The following MAGI2 variants were observed in gnomAD, a reference collection of about 807,000 sequenced individuals.
The protein encoded by MAGI2 is membrane-associated guanylate kinase, WW and PDZ domain-containing protein 2.
Under a neutral mutation model 133.3 loss-of-function variants are expected in MAGI2, and 35 were observed. That is an observed-to-expected ratio of 0.26 (90% CI 0.20 to 0.35). MAGI2 has a LOEUF of 0.35. MAGI2 is among the 10% of genes least tolerant of loss of function. The pLI is 1.00. For synonymous variants in MAGI2, 729 were observed against 710.6 expected, an observed-to-expected ratio of 1.03 and a Z score of -0.41; for missense variants, 1,636 against 1,863.4, an observed-to-expected ratio of 0.88 and a Z score of 2.25.
At chr7:78,252,948 AAAAAAAAAAAAAC>A (rs1262058911) in intron 10 of MAGI2, 1 of 146,474 alleles carries the variant, frequency 6.8e-6, no homozygotes, top group African/African-American at 2.6e-5. Flanking sequence ...CTCCAAAAAA[AAAAAAAAAAAAAC>A]AATGGGCAGC....
chr7:78,852,096 T>A (rs555925307), intron 2 of MAGI2, among the ~76,000 whole-genome samples: 50 of 152,094 alleles, frequency 3.3e-4, no homozygotes, highest in Non-Finnish European at 6.5e-4. Context: ...GATAAACTGT[T>A]TATATTATTG....
chr7:78,111,995 G>A (rs528819144), intron 20 of MAGI2, among the ~76,000 whole-genome samples: 1 of 152,304 alleles, frequency 6.6e-6, no homozygotes, highest in African/African-American at 2.4e-5. Context: ...TCTCTAGACA[G>A]GCTGCTTTAT....
intron 3 of MAGI2, among the ~76,000 whole-genome samples, chr7:78,626,889 T>C (rs2150954004): frequency 6.6e-6 from 1 of 150,892 alleles, no homozygotes; most frequent in South Asian, 2.1e-4. Context: ...ATAATAGGTG[T>C]ATATATATAA....
chr7:78,496,472 T>C (rs968660438), intron 5 of MAGI2, among the ~76,000 whole-genome samples: 1 of 152,220 alleles, frequency 6.6e-6, no homozygotes, highest in Non-Finnish European at 1.5e-5. Context: ...AGCACGTCAA[T>C]CCAGATTAAC....
chr7:78,454,374 T>C (rs1584209172), intron 6 of MAGI2, among the ~76,000 whole-genome samples: 1 of 152,256 alleles, frequency 6.6e-6, no homozygotes, highest in Middle Eastern at 3.4e-3. Context: ...TAAGACCTGA[T>C]TTCAGTACCA....
chr7:78,777,315 T>C (rs553296365), intron 2 of MAGI2, among the ~76,000 whole-genome samples: 1 of 152,336 alleles, frequency 6.6e-6, no homozygotes, highest in African/African-American at 2.4e-5. Flanking sequence ...TTCCTAGCTG[T>C]GTGGTACCAC....
chr7:78,070,194 T>TACAC (rs1409097456), intron 21 of MAGI2, among the ~76,000 whole-genome samples: 36 of 32,030 alleles, frequency 1.1e-3, no homozygotes, highest in African/African-American at 2.2e-3. Flanking sequence ...TATATATATA[T>TACAC]ATATATATAT....
At chr7:78,255,447 C>T in intron 10 of MAGI2, 1 of 220,844 alleles carries the variant, frequency 4.5e-6, no homozygotes, top group Non-Finnish European at 8.8e-6. Context: ...ACAGCTCCCA[C>T]AGCTCTCACA....
At chr7:78,782,676 T>C (rs1413811397) in intron 2 of MAGI2, among the ~76,000 whole-genome samples, 1 of 151,866 alleles carries the variant, frequency 6.6e-6, no homozygotes, top group Non-Finnish European at 1.5e-5. Context: ...CTGTCAGAAA[T>C]AAAGAAAAAT....
At chr7:78,265,806 A>G (rs1349929968) in intron 9 of MAGI2, among the ~76,000 whole-genome samples, 2 of 152,206 alleles carry the variant, frequency 1.3e-5, no homozygotes, top group African/African-American at 4.8e-5. Flanking sequence ...AACAAGCATG[A>G]TTCGTTTTTG....
rs565217080 is a variant in MAGI2 at position 78,689,566 on chromosome 7, C to T, written c.419-62327G>A. ...CTCCTTCGCAGTTTTCTCTCTGTCT[C>T]GCCCACATGACCGTCAGGCAACTAT... is the stretch of plus-strand genomic sequence containing the variant. On this transcript the variant is annotated intron_variant, in intron 2 of 21. Transcript: ENST00000354212. Among the ~76,000 whole-genome samples the T allele has an allele frequency of 5.2e-4, 79 of 152,178 alleles. 1 individual carries two copies. Among genetic ancestry groups the T allele is most frequent in the Admixed American group, 1.2e-3 (18 of 15,294 alleles).
chr7:78,700,855 G>C (rs189313560), intron 2 of MAGI2, among the ~76,000 whole-genome samples: 43 of 151,498 alleles, frequency 2.8e-4, no homozygotes, highest in Admixed American at 2.5e-3. Flanking sequence ...AATACACTCT[G>C]TCAAATGGGC....
At chr7:79,332,230 T>C (rs1239170534) in intron 1 of MAGI2, among the ~76,000 whole-genome samples, 2 of 152,198 alleles carry the variant, frequency 1.3e-5, no homozygotes, top group African/African-American at 4.8e-5. Flanking sequence ...GCTTGTCACT[T>C]AAGGAAGTAA....
At chr7:78,355,094 A>C (rs954769820) in intron 7 of MAGI2, among the ~76,000 whole-genome samples, 6 of 152,210 alleles carry the variant, frequency 3.9e-5, no homozygotes, top group African/African-American at 1.2e-4. Context: ...CTATGTCTAA[A>C]ATTATGCCAT....
Position 78,124,500 on chromosome 7 carries a change from C to T in MAGI2, c.3567+1194G>A, listed in dbSNP as rs1196734966. 5.3e-5 allele frequency among the ~76,000 whole-genome samples: 8 copies of T among 152,230 alleles called. 1 individual carries two copies. In the South Asian group the frequency reaches 1.5e-3, roughly 28 times the overall value. ...TGGATAATCCTCTGACTTGGAAATG[C>T]GTATCATAGAAATGCAGACTTGGTG... On this transcript the variant is annotated intron_variant, in intron 20 of 21. Coordinates refer to ENST00000354212, the MANE Select transcript of MAGI2 (RefSeq NM_012301.4).
At chr7:79,158,464 A>T (rs571571971) in intron 1 of MAGI2, among the ~76,000 whole-genome samples, 1 of 152,216 alleles carries the variant, frequency 6.6e-6, no homozygotes, top group South Asian at 2.1e-4. Context: ...GATATTAAAA[A>T]TGTCCTAAGA....
chr7:78,806,111 A>AG, intron 2 of MAGI2, among the ~76,000 whole-genome samples: 1 of 152,308 alleles, frequency 6.6e-6, no homozygotes, highest in Non-Finnish European at 1.5e-5. Context: ...TAAAGTCAAT[A>AG]GTACACTTTG....
At chr7:78,655,471 A>AAAAACAAAAAAC (rs1161714793) in intron 2 of MAGI2, among the ~76,000 whole-genome samples, 3 of 150,602 alleles carry the variant, frequency 2.0e-5, no homozygotes, top group East Asian at 3.9e-4. Flanking sequence ...AAAAAAAAAA[A>AAAAACAAAAAAC]AAAACCACCA....
At chr7:78,649,015 T>C (rs950575370) in intron 2 of MAGI2, among the ~76,000 whole-genome samples, 1 of 151,968 alleles carries the variant, frequency 6.6e-6, no homozygotes, top group Non-Finnish European at 1.5e-5. Context: ...ACATTCTTCA[T>C]AATACACTGT....
Sources: gnomAD v4.1 joint callset for allele counts (sites outside exome capture counted in the v4.1 genomes callset) on GRCh38, gnomAD v4.1.1 for gene constraint, MANE v1.5 for transcripts, NCBI Gene and HGNC (gene_info 2026-07-23, HGNC 2026-07-21) for gene names.